LMAN1L: variants seen among roughly 807,000 people sequenced by gnomAD.
LMAN1L encodes the protein lectin, mannose binding 1 like, also known as protein ERGIC-53-like.
Under a neutral mutation model 58.3 loss-of-function variants are expected in LMAN1L, and 60 were observed. The observed-to-expected ratio is 1.03, with a 90% CI of 0.84 to 1.27. The LOEUF (loss-of-function observed/expected upper bound fraction) is 1.27. LMAN1L is among the 50% of genes most tolerant of loss of function. The pLI, the probability that LMAN1L is intolerant of heterozygous loss-of-function variation, is 0.00. For synonymous variants in LMAN1L, 280 were observed against 271.6 expected, an observed-to-expected ratio of 1.03 and a Z score of -0.31; for missense variants, 629 against 674.0, an observed-to-expected ratio of 0.93 and a Z score of 0.74.
Position 74,824,393 on chromosome 15 carries a change from A to G in LMAN1L, c.1366A>G (p.Arg456Gly), listed in dbSNP as rs74025851. The change falls in exon 13 of 14, where the codon AGG becomes GGG. Residue 456 changes from arginine to glycine, a missense_variant. Coordinates refer to ENST00000309664, the MANE Select transcript of LMAN1L (RefSeq NM_021819.3). The part of the protein sequence containing the change: ...KAPRPPGQPP[R>G]ASSCLQPGIF... ...CCCCCGCCCACCTGGCCAGCCCCCA[A>G]GGGCCTCCTCGTGCCTGCAGCCTGG... is the stretch of plus-strand genomic sequence containing the variant. The G allele has an allele frequency of 4.7e-3, 7,521 of 1,613,966 alleles. 307 individuals carry two copies. In the African/African-American group the frequency reaches 0.089, roughly 19 times the overall value.
At chr15:74,825,303 G>T in intron 13 of LMAN1L, 173 bp from the exon 14 acceptor site, 1 of 660,084 alleles carries the variant, frequency 1.5e-6, no homozygotes. Context: ...GACCTTACAT[G>T]CCCAGGGGGA....
rs780066508 is a variant in LMAN1L at position 74,818,831 on chromosome 15, C to T, written c.597+14C>T. On this transcript the variant is annotated intron_variant, in intron 5 of 13. Transcript: ENST00000309664. ...CAGAGGCTGCGCGTGAGTCACCCTT[C>T]CTGCTTCTGACAGGGCTCTGAGTTA... The T allele has an allele frequency of 3.1e-6, 5 of 1,593,944 alleles. No individual in the cohort carries two copies. In the East Asian group the frequency reaches 9.0e-5, roughly 29 times the overall value.
intron 5 of LMAN1L, 33 bp from the exon 6 acceptor site, chr15:74,819,119 C>G: frequency 6.3e-7 from 1 of 1,578,304 alleles, no homozygotes; most frequent in Non-Finnish European, 8.6e-7. Flanking sequence ...GTAGGGACAC[C>G]CCCCCACTGC....
chr15:74,824,925 G>T (rs1466022193), intron 13 of LMAN1L: 2 of 159,302 alleles, frequency 1.3e-5, no homozygotes, highest in East Asian at 3.7e-4. Context: ...GGAGGCATGA[G>T]AAAAACATAA....
At chr15:74,819,331 G>T (rs928737974) in intron 6 of LMAN1L, 59 bp downstream of exon 6, 2 of 1,587,916 alleles carry the variant, frequency 1.3e-6, no homozygotes, top group Non-Finnish European at 8.6e-7. Context: ...ATCACCCTCA[G>T]CACACCTTCT....
At chr15:74,819,862 A>ACC in intron 6 of LMAN1L, 182 bp from the exon 7 acceptor site, 7 of 651,944 alleles carry the variant, frequency 1.1e-5, no homozygotes, top group South Asian at 5.2e-5. Flanking sequence ...AACCCTCACC[A>ACC]CCCACCCGTC....
intron 4 of LMAN1L, among the ~76,000 whole-genome samples, chr15:74,818,028 AAGAG>A (rs1555467041): frequency 6.0e-5 from 9 of 149,870 alleles, no homozygotes; most frequent in African/African-American, 1.2e-4. Context: ...AAAAAAAAAA[AAGAG>A]AGAGAGAAGA....
chr15:74,814,756 G>A (rs1287077687), intron 1 of LMAN1L, among the ~76,000 whole-genome samples: 4 of 152,120 alleles, frequency 2.6e-5, no homozygotes, highest in Admixed American at 2.6e-4. Context: ...TGATCCGCCT[G>A]CCTCGGCTTC....
At chr15:74,819,764 A>G (rs993792381) in intron 6 of LMAN1L, 4 of 550,938 alleles carry the variant, frequency 7.3e-6, no homozygotes, top group African/African-American at 1.9e-5. Context: ...AGAGTGTCAG[A>G]TGGTCTGCTG....
Position 74,820,683 on chromosome 15 carries a change from C to G in LMAN1L, c.823C>G (p.Gln275Glu). 6.2e-7 allele frequency: 1 copy of G among 1,613,922 alleles called. No homozygotes were observed. Among genetic ancestry groups the G allele is most frequent in the Non-Finnish European group, 8.5e-7 (1 of 1,179,978 alleles). Residue 275 changes from glutamine (Q) to glutamate (E), a missense_variant, in exon 8 of 14, where the codon CAG (glutamine) becomes GAG (glutamate). This residue lies in a region of LMAN1L where 573 missense variants were observed against 597.3 expected (regional missense o/e 0.96). Coordinates refer to ENST00000309664, the MANE Select transcript of LMAN1L (RefSeq NM_021819.3). ...GATGCAGCAGCTCCGCCTGGCGAGG[C>G]AGCTGGAAGGGCTGTGGGCAAGGCT... ...LEMQQLRLAR[Q>E]LEGLWARLGL...
chr15:74,819,348 C>T (rs770543433), intron 6 of LMAN1L, 76 bp downstream of exon 6: 2 of 1,539,888 alleles, frequency 1.3e-6, no homozygotes, highest in Admixed American at 1.9e-5. Context: ...TTCTAAAGAG[C>T]ACTGGGGTGG....
At position 74,821,839 on chromosome 15, in the gene LMAN1L, C is replaced by T; in HGVS notation, c.1070C>T (p.Ala357Val). The change falls in exon 10 of 14, where the codon GCT becomes GTT. Residue 357 changes from alanine (A) to valine (V), a missense_variant. Physicochemically the swap from Ala to Val is moderately conservative, Grantham distance 64 (BLOSUM62 0). Coordinates refer to ENST00000309664, the MANE Select transcript of LMAN1L (RefSeq NM_021819.3). ...ARPDGGWALD[A>V]SCQIPSTPGR... ...TGATCCTATCCCCAGGCCCTGGATG[C>T]TTCCTGCCAGATTCCATCCACCCCA... The T allele has an allele frequency of 6.2e-7, 1 of 1,612,224 alleles. No individual in the cohort carries two copies. The highest frequency in any genetic ancestry group is 2.2e-5 in the East Asian group (1 of 44,850).
Position 74,825,659 on chromosome 15 carries a change from G to C in LMAN1L, c.*54G>C. ...GGGAAGCAGGCAGTGTCTTGGGTGG[G>C]GGCTTGGTCAGTATCCTCTCCGTCT... On this transcript the variant is annotated 3_prime_UTR_variant, in exon 14 of 14. Transcript: ENST00000309664. The C allele has an allele frequency of 6.4e-7, 1 of 1,574,266 alleles. No individual in the cohort carries two copies. The highest frequency in any genetic ancestry group is 8.7e-7 in the Non-Finnish European group (1 of 1,155,798).
At chr15:74,813,909 G>A (rs1481437037) in intron 1 of LMAN1L, among the ~76,000 whole-genome samples, 2 of 150,142 alleles carry the variant, frequency 1.3e-5, no homozygotes, top group African/African-American at 2.5e-5. Context: ...GATGAATCAC[G>A]AGGTCAAGAG....
intron 13 of LMAN1L, 38 bp downstream of exon 13, chr15:74,824,516 G>T: frequency 6.2e-7 from 1 of 1,611,816 alleles, no homozygotes; most frequent in Non-Finnish European, 8.5e-7. Flanking sequence ...CACAGCACTG[G>T]CATCTCTTGG....
chr15:74,821,289 A>G, intron 9 of LMAN1L, 63 bp downstream of exon 9: 1 of 1,513,428 alleles, frequency 6.6e-7, no homozygotes, highest in Non-Finnish European at 8.9e-7. Flanking sequence ...CAAGCACTGT[A>G]GTCAGCAACT....
chr15:74,825,276 C>T (rs909363559), intron 13 of LMAN1L, 200 bp from the exon 14 acceptor site: 2 of 553,956 alleles, frequency 3.6e-6, no homozygotes, highest in East Asian at 2.8e-5. Flanking sequence ...GGCAATCAGC[C>T]TGGAGCCACT....
chr15:74,819,043 G>A, intron 5 of LMAN1L, 109 bp from the exon 6 acceptor site: 1 of 1,345,470 alleles, frequency 7.4e-7, no homozygotes, highest in Non-Finnish European at 1.0e-6. Flanking sequence ...TCACCTCCAT[G>A]CCATTCTGAT....
Position 74,820,785 on chromosome 15 carries a change from G to A in LMAN1L, c.907+18G>A, listed in dbSNP as rs747938285. On this transcript the variant is annotated intron_variant, in intron 8 of 13. Transcript: ENST00000309664. ...AGGAGAAGGTAGGGACCGAGAGAGCGGGCAGGTGGCGCCCATCTGAGTGTC... is the reference window on the plus strand; with the variant it reads ...AGGAGAAGGTAGGGACCGAGAGAGCAGGCAGGTGGCGCCCATCTGAGTGTC... The A allele has an allele frequency of 1.7e-5, 28 of 1,602,370 alleles. No individual in the cohort carries two copies. The highest frequency in any genetic ancestry group is 5.6e-5 in the South Asian group (5 of 89,890).
Sources: gnomAD v4.1 joint callset for allele counts (sites outside exome capture counted in the v4.1 genomes callset) on GRCh38, gnomAD v4.1.1 for gene constraint, gnomAD v4.1.1 regional missense constraint, MANE v1.5 for transcripts, NCBI Gene and HGNC (gene_info 2026-07-23, HGNC 2026-07-21) for gene names.